Variants in DGUOK observed in about 807,000 individuals in gnomAD.
The protein encoded by DGUOK is deoxyguanosine kinase.
In DGUOK, 30 loss-of-function variants were observed where a neutral mutation model predicts 36.6. The ratio of observed to expected loss-of-function variants is 0.82; its 90% CI spans 0.61 to 1.11. The LOEUF (loss-of-function observed/expected upper bound fraction) is 1.11, where lower values mean the gene tolerates loss of function less well. Among genes scored for constraint, DGUOK ranks in the 50% most tolerant of loss-of-function variants. DGUOK has a pLI of 0.00. For synonymous variants in DGUOK, 145 were observed against 126.3 expected (o/e 1.15, Z -0.99); for missense variants, 361 against 336.4 (o/e 1.07, Z -0.57).
intron 1 of DGUOK, among the ~76,000 whole-genome samples, chr2:73,932,387 C>T (rs1259217996): frequency 6.6e-6 from 1 of 152,174 alleles, no homozygotes; most frequent in Non-Finnish European, 1.5e-5. Context: ...TTTGCACATT[C>T]ACCACCTTCC....
In DGUOK at chr2:73,926,922, CCG is replaced by C. The variant is rs775406988; in HGVS notation, c.14_15del (p.Arg5ProfsTer123). The C allele has an allele frequency of 4.3e-6, 7 of 1,613,488 alleles. No individual in the cohort carries two copies. The highest frequency in any genetic ancestry group is 5.1e-6 in the Non-Finnish European group (6 of 1,180,038). Reference protein sequence around the residue: MAAGRLFLSRLRAPF... With the variant: MAAGXLFLSRLRAPF... Reference sequence around the variant, plus strand: ...GAATCGTGGGTGGGATGGCCGCGGGCCGCCTCTTTCTAAGTCGGCTTCGAGCA... The same window carrying C: ...GAATCGTGGGTGGGATGGCCGCGGGCCCTCTTTCTAAGTCGGCTTCGAGCA... On this transcript the variant is annotated frameshift_variant, in exon 1 of 7. Transcript: ENST00000264093. LOFTEE classifies it high-confidence loss of function.
At position 73,946,831 on chromosome 2, in the gene DGUOK, T is replaced by A; in HGVS notation, c.368T>A (p.Leu123Gln). The change falls in exon 3 of 7, where the codon CTG becomes CAG. Residue 123 changes from leucine to glutamine, a missense_variant. Coordinates refer to ENST00000264093, the MANE Select transcript of DGUOK (RefSeq NM_080916.3). ...FSFLSRLKVQ[L>Q]EPFPEKLLQA... ...TTTTTGAGCCGCCTGAAAGTACAGCTGGAGCCCTTCCCTGAGAAACTCTTA... is the reference window on the plus strand; with the variant it reads ...TTTTTGAGCCGCCTGAAAGTACAGCAGGAGCCCTTCCCTGAGAAACTCTTA... 6.2e-7 allele frequency: 1 copy of A among 1,614,042 alleles called. No individual in the cohort carries two copies. The highest frequency in any genetic ancestry group is 8.5e-7 in the Non-Finnish European group (1 of 1,180,028).
chr2:73,952,032 TGG>T (rs1682742412), intron 4 of DGUOK, among the ~76,000 whole-genome samples: 1 of 151,956 alleles, frequency 6.6e-6, no homozygotes, highest in African/African-American at 2.4e-5. Flanking sequence ...TAGCTGAGTG[TGG>T]TTATGTGTGC....
chr2:73,947,039 A>C, intron 3 of DGUOK, 133 bp downstream of exon 3: 1 of 865,090 alleles, frequency 1.2e-6, no homozygotes, highest in Non-Finnish European at 1.9e-6. Flanking sequence ...TAAAGACAAC[A>C]CTATACAGAT....
chr2:73,935,780 C>T (rs1470985675), intron 1 of DGUOK, among the ~76,000 whole-genome samples: 1 of 152,114 alleles, frequency 6.6e-6, no homozygotes, highest in East Asian at 1.9e-4. Context: ...TTCCAGAAGC[C>T]TTGGAATGGG....
chr2:73,928,294 A>C (rs1254307727), intron 1 of DGUOK, among the ~76,000 whole-genome samples: 1 of 152,034 alleles, frequency 6.6e-6, no homozygotes, highest in East Asian at 1.9e-4. Context: ...CACCCAGTTA[A>C]TTTTTGTTTT....
rs757324066 is a variant in DGUOK, at chr2:73,939,030, T to G, written c.255+8T>G. 5.6e-6 allele frequency: 9 copies of G among 1,599,668 alleles called. No homozygotes were observed. Among genetic ancestry groups the G allele is most frequent in the Middle Eastern group, 3.3e-4 (2 of 6,050 alleles). On this transcript the variant is annotated splice_region_variant and intron_variant, in intron 2 of 6. Coordinates refer to ENST00000264093, the MANE Select transcript of DGUOK (RefSeq NM_080916.3). Reference sequence around the variant, plus strand: ...GCTGCTGGCACCCAAAAAGTAAGTTTTTAGTTGTGGTGGGTAGTTGGCAGG... The same window carrying G: ...GCTGCTGGCACCCAAAAAGTAAGTTGTTAGTTGTGGTGGGTAGTTGGCAGG...
In DGUOK at chr2:73,950,639, G is replaced by A; in HGVS notation, c.498G>A (p.Trp166Ter). 2 of 1,614,076 alleles carry A rather than the reference G, an allele frequency of 1.2e-6. No individual in the cohort carries two copies. Among genetic ancestry groups the A allele is most frequent in the Non-Finnish European group, 8.5e-7 (1 of 1,180,012 alleles). The change falls in exon 4 of 7, where the codon TGG (tryptophan) becomes TGA (stop). Residue 166 changes from tryptophan (W) to a stop codon, truncating the protein, a stop_gained. Transcript: ENST00000264093. LOFTEE classifies it high-confidence loss of function. ...FENGSLSDIE[W>*]HIYQDWHSFL... is the part of the protein sequence containing the mutation. Reference sequence around the variant, plus strand: ...ATGGTTCCCTCAGTGACATCGAGTGGCATATCTATCAGGACTGGCATTCTT... The same window carrying A: ...ATGGTTCCCTCAGTGACATCGAGTGACATATCTATCAGGACTGGCATTCTT...
chr2:73,928,472 G>T (rs1438665018), intron 1 of DGUOK, among the ~76,000 whole-genome samples: 1 of 152,214 alleles, frequency 6.6e-6, no homozygotes, highest in African/African-American at 2.4e-5. Flanking sequence ...CACTGAGAAG[G>T]TGACATCTGA....
intron 4 of DGUOK, among the ~76,000 whole-genome samples, chr2:73,955,686 G>A (rs183352757): frequency 2.8e-4 from 43 of 152,176 alleles, no homozygotes; most frequent in Admixed American, 1.5e-3. Flanking sequence ...CATCCTGGCC[G>A]ACATGGTGAA....
At chr2:73,944,422 C>G (rs1307765601) in intron 2 of DGUOK, among the ~76,000 whole-genome samples, 1 of 152,144 alleles carries the variant, frequency 6.6e-6, no homozygotes, top group Non-Finnish European at 1.5e-5. Context: ...GGGTGTTTTA[C>G]TTGGGCAATT....
chr2:73,956,555 A>G (rs1683108284), intron 4 of DGUOK, among the ~76,000 whole-genome samples: 1 of 152,184 alleles, frequency 6.6e-6, no homozygotes. Context: ...AACTTACCTC[A>G]GTGACCTGTG....
intron 5 of DGUOK, among the ~76,000 whole-genome samples, chr2:73,957,488 A>C (rs1273088108): frequency 6.6e-6 from 1 of 152,182 alleles, no homozygotes; most frequent in Non-Finnish European, 1.5e-5. Context: ...AGCCTGGCCA[A>C]CATGGTGAAA....
chr2:73,937,300 G>A (rs1215532560), intron 1 of DGUOK, among the ~76,000 whole-genome samples: 4 of 152,222 alleles, frequency 2.6e-5, no homozygotes, highest in Non-Finnish European at 5.9e-5. Flanking sequence ...CACCCATCTT[G>A]AGCCACTCCT....
At chr2:73,936,808 C>T (rs546336859) in intron 1 of DGUOK, among the ~76,000 whole-genome samples, 132 of 152,304 alleles carry the variant, frequency 8.7e-4, no homozygotes, top group Middle Eastern at 3.4e-3. Context: ...CATCCTGTAG[C>T]TGGAGAAACA....
At chr2:73,947,722 A>T (rs1682435034) in intron 3 of DGUOK, 1 of 152,430 alleles carries the variant, frequency 6.6e-6, no homozygotes, top group Non-Finnish European at 1.5e-5. Flanking sequence ...TGATCTGGAC[A>T]CTGCTGGAGT....
At chr2:73,934,586 C>G (rs1368887672) in intron 1 of DGUOK, among the ~76,000 whole-genome samples, 2 of 152,016 alleles carry the variant, frequency 1.3e-5, no homozygotes, top group Non-Finnish European at 2.9e-5. Context: ...AACCCTGTCT[C>G]TACTAAAAAT....
At chr2:73,928,942 T>C (rs1186991970) in intron 1 of DGUOK, among the ~76,000 whole-genome samples, 2 of 152,142 alleles carry the variant, frequency 1.3e-5, no homozygotes, top group Non-Finnish European at 2.9e-5. Flanking sequence ...TGAGAAATGA[T>C]TGGGTTCTAG....
intron 2 of DGUOK, 48 bp from the exon 3 acceptor site, chr2:73,946,671 T>TA (rs1351307609): frequency 8.3e-6 from 13 of 1,572,812 alleles, no homozygotes; most frequent in Non-Finnish European, 1.1e-5. Flanking sequence ...CCCCATGGAG[T>TA]AAATATGCTT....
Sources: gnomAD v4.1 joint callset for allele counts (sites outside exome capture counted in the v4.1 genomes callset) on GRCh38, gnomAD v4.1.1 for gene constraint, MANE v1.5 for transcripts, NCBI Gene and HGNC (gene_info 2026-07-23, HGNC 2026-07-21) for gene names.